Variants in TPPP observed in about 807,000 individuals in gnomAD.
The protein encoded by TPPP is tubulin polymerization-promoting protein.
TPPP carries 6 observed loss-of-function variants against 15.5 expected under a neutral mutation model. That is an observed-to-expected ratio of 0.39 (90% CI 0.21 to 0.77). TPPP has a LOEUF of 0.77. Ranked by LOEUF, TPPP falls within the 30% of genes least tolerant of loss-of-function variation. The pLI is 0.42. For synonymous variants in TPPP, 146 were observed against 133.9 expected, an observed-to-expected ratio of 1.09 and a Z score of -0.63; for missense variants, 269 against 307.2, an observed-to-expected ratio of 0.88 and a Z score of 0.93.
intron 2 of TPPP, among the ~76,000 whole-genome samples, chr5:670,619 C>A: frequency 6.6e-6 from 1 of 152,110 alleles, no homozygotes; most frequent in African/African-American, 2.4e-5. Flanking sequence ...CTTAGGGGAG[C>A]CCTGTCTGGC....
Position 665,043 on chromosome 5 carries a change from G to A in TPPP, c.*59C>T, listed in dbSNP as rs931016269. 5.2e-6 allele frequency: 8 copies of A among 1,551,272 alleles called. No homozygotes were observed. The highest frequency in any genetic ancestry group is 4.1e-5 in the African/African-American group (3 of 73,934). ...TTAGTACAGGAATGTAATGAAGTGC[G>A]AGGTGACAGAGTCCCTGCTCTGGGG... On this transcript the variant is annotated 3_prime_UTR_variant, in exon 4 of 4. Coordinates refer to ENST00000360578, the MANE Select transcript of TPPP (RefSeq NM_007030.3).
At chr5:691,904 CCAT>C (rs1359669979) in intron 1 of TPPP, among the ~76,000 whole-genome samples, 2 of 107,652 alleles carry the variant, frequency 1.9e-5, no homozygotes, top group African/African-American at 7.2e-5. Flanking sequence ...CCCCAAACCC[CCAT>C]CAAGACAACA....
intron 2 of TPPP, among the ~76,000 whole-genome samples, chr5:676,972 C>T (rs945248906): frequency 2.2e-4 from 31 of 143,868 alleles, no homozygotes; most frequent in Admixed American, 1.8e-3. Flanking sequence ...CACACAGAAA[C>T]GCACACACGA....
chr5:696,794 C>A (rs1426322023), upstream of TPPP, among the ~76,000 whole-genome samples: 16 of 103,438 alleles, frequency 1.5e-4, no homozygotes, highest in Non-Finnish European at 2.2e-4. Context: ...GAATGTGCAC[C>A]TGTATGTGTG....
chr5:682,759 G>A (rs1271696510), intron 1 of TPPP, among the ~76,000 whole-genome samples: 1 of 152,210 alleles, frequency 6.6e-6, no homozygotes, highest in Non-Finnish European at 1.5e-5. Flanking sequence ...CCACGCGGGG[G>A]TGGCGCCGAC....
At chr5:671,264 C>T (rs899142726) in intron 2 of TPPP, among the ~76,000 whole-genome samples, 2 of 151,910 alleles carry the variant, frequency 1.3e-5, no homozygotes, top group Non-Finnish European at 2.9e-5. Context: ...GGGGGTGGGG[C>T]GTGTGTAGTC....
intron 2 of TPPP, among the ~76,000 whole-genome samples, chr5:670,366 C>T (rs935724115): frequency 6.6e-6 from 1 of 152,328 alleles, no homozygotes; most frequent in South Asian, 2.1e-4. Context: ...CTGGAGTGCC[C>T]TGTCCAGAGG....
chr5:666,176 C>T, intron 2 of TPPP, 53 bp from the exon 3 acceptor site: 1 of 1,589,114 alleles, frequency 6.3e-7, no homozygotes. Flanking sequence ...CAGGGCTGCC[C>T]TCCCCACGCG....
upstream of TPPP, chr5:693,424 C>A (rs1446068381): frequency 2.0e-5 from 2 of 97,638 alleles, no homozygotes; most frequent in Non-Finnish European, 4.3e-5. Flanking sequence ...CCCGGGCCCG[C>A]CCCCGGCCCC....
At chr5:700,029 G>A in the TPPP span, among the ~76,000 whole-genome samples, 8 of 151,972 alleles carry the variant, frequency 5.3e-5, no homozygotes, top group East Asian at 3.9e-4. Context: ...CTGGAAAACA[G>A]TATGGAGATT....
Position 677,754 on chromosome 5 carries a change from T to C in TPPP, c.307A>G (p.Ile103Val), listed in dbSNP as rs1191730630. The change falls in exon 2 of 4, where the codon ATC becomes GTC. Residue 103 changes from isoleucine to valine, a missense_variant. Ile to Val is a conservative substitution (Grantham distance 29). Coordinates refer to ENST00000360578, the MANE Select transcript of TPPP (RefSeq NM_007030.3). ...VTDVDIVFSK[I>V]KGKSCRTITF... Reference sequence around the variant, plus strand: ...CCGTGAGCCCAGCGCACTCACTTGATCTTGCTGAAGACGATGTCCACGTCA... The same window carrying C: ...CCGTGAGCCCAGCGCACTCACTTGACCTTGCTGAAGACGATGTCCACGTCA... 3.2e-6 allele frequency: 5 copies of C among 1,561,974 alleles called. No homozygotes were observed. The highest frequency in any genetic ancestry group is 4.3e-6 in the Non-Finnish European group (5 of 1,151,596).
intron 2 of TPPP, among the ~76,000 whole-genome samples, chr5:670,174 AGGACTGAGGCCTGTTCCTCCGGGGC>A (rs1425793980): frequency 6.6e-6 from 1 of 152,100 alleles, no homozygotes; most frequent in Non-Finnish European, 1.5e-5. Flanking sequence ...CAGCCCTCCG[AGGACTGAGGCCTGTTCCTCCGGGGC>A]GGACGTCACA....
intron 2 of TPPP, among the ~76,000 whole-genome samples, chr5:671,218 G>A (rs1379814099): frequency 8.0e-5 from 12 of 150,914 alleles, no homozygotes; most frequent in African/African-American, 2.2e-4. Context: ...TTAATTTTGC[G>A]TTGCTGCCGG....
At chr5:672,958 G>A (rs889011500) in intron 2 of TPPP, among the ~76,000 whole-genome samples, 3 of 152,294 alleles carry the variant, frequency 2.0e-5, no homozygotes, top group Non-Finnish European at 2.9e-5. Context: ...CAGATACCCC[G>A]AGCTGGCGCC....
chr5:672,056 C>T (rs575681710), intron 2 of TPPP, among the ~76,000 whole-genome samples: 2 of 152,376 alleles, frequency 1.3e-5, no homozygotes, highest in East Asian at 3.9e-4. Flanking sequence ...GCCCTCCAAA[C>T]ACACTGTGAC....
intron 2 of TPPP, among the ~76,000 whole-genome samples, chr5:669,178 GC>G (rs1188502208): frequency 6.6e-6 from 1 of 152,204 alleles, no homozygotes; most frequent in Non-Finnish European, 1.5e-5. Context: ...GAGCCCCAGG[GC>G]GGGGCCTGGA....
intron 2 of TPPP, among the ~76,000 whole-genome samples, chr5:671,157 G>A (rs1246529621): frequency 4.6e-5 from 7 of 152,324 alleles, no homozygotes; most frequent in East Asian, 3.9e-4. Flanking sequence ...GGGGCCGCCT[G>A]GGATCAGCGC....
At chr5:685,011 C>T (rs1358866637) in intron 1 of TPPP, among the ~76,000 whole-genome samples, 5 of 152,320 alleles carry the variant, frequency 3.3e-5, no homozygotes, top group African/African-American at 9.6e-5. Context: ...CGCCCCAGGA[C>T]ACACGTCCAG....
intron 3 of TPPP, 121 bp from the exon 4 acceptor site, chr5:665,417 C>T (rs1739855242): frequency 1.1e-6 from 1 of 913,492 alleles, no homozygotes; most frequent in Admixed American, 2.8e-5. Flanking sequence ...GGGCATAAAC[C>T]CTGGGATTTA....
Sources: gnomAD v4.1 joint callset for allele counts (sites outside exome capture counted in the v4.1 genomes callset) on GRCh38, gnomAD v4.1.1 for gene constraint, MANE v1.5 for transcripts, NCBI Gene and HGNC (gene_info 2026-07-23, HGNC 2026-07-21) for gene names.